The following DCC variants were observed in gnomAD, a reference collection of about 807,000 sequenced individuals.
The protein encoded by DCC is DCC netrin 1 receptor, also known as netrin receptor DCC.
Under a neutral mutation model 172.5 loss-of-function variants are expected in DCC, and 58 were observed. The observed-to-expected ratio is 0.34, with a 90% CI of 0.27 to 0.42. The LOEUF is 0.42. DCC is among the 10% of genes least tolerant of loss of function. DCC has a pLI of 1.00. For missense variants in DCC, 1,740 were observed against 1,791.0 expected (o/e 0.97, Z 0.51); for synonymous variants, 709 against 644.5 (o/e 1.10, Z -1.52).
intron 26 of DCC, among the ~76,000 whole-genome samples, chr18:53,497,063 A>C (rs1413305291): frequency 6.6e-6 from 1 of 152,236 alleles, no homozygotes; most frequent in Non-Finnish European, 1.5e-5. Context: ...CAGATTTTTG[A>C]GGAAAATTGT....
intron 7 of DCC, among the ~76,000 whole-genome samples, chr18:53,094,746 T>A (rs2043061441): frequency 6.6e-6 from 1 of 152,230 alleles, no homozygotes; most frequent in Non-Finnish European, 1.5e-5. Context: ...GATTGCATCA[T>A]GATTTATTAG....
rs564756340 is a variant in DCC at position 52,416,085 on chromosome 18, T to C, written c.91+75207T>C. On this transcript the variant is annotated intron_variant, in intron 1 of 28. Coordinates refer to ENST00000442544, the MANE Select transcript of DCC (RefSeq NM_005215.4). Reference sequence around the variant, plus strand: ...CTGGTATGTTGTGTCTTTGTTCTCGTTGGTTTCAAAGAACATCTTTATTTC... The same window carrying C: ...CTGGTATGTTGTGTCTTTGTTCTCGCTGGTTTCAAAGAACATCTTTATTTC... Among the ~76,000 whole-genome samples, 31 of 152,272 alleles carry C rather than the reference T, an allele frequency of 2.0e-4. 1 individual carries two copies. In the South Asian group the frequency reaches 6.2e-3, roughly 31 times the overall value.
At chr18:52,966,181 G>C (rs931125857) in intron 5 of DCC, among the ~76,000 whole-genome samples, 2 of 152,090 alleles carry the variant, frequency 1.3e-5, no homozygotes, top group African/African-American at 4.8e-5. Flanking sequence ...GATTTACCCT[G>C]AAGCAAAAAG....
In DCC at chr18:52,862,405, T is replaced by TA. The variant is rs541363032; in HGVS notation, c.413-43630dup. ...TTAATCATTTAGCTAAAGTGATAATTAAAAAAAAATATTCCGGCCGGGTGT... is the reference window on the plus strand; with the variant it reads ...TTAATCATTTAGCTAAAGTGATAATTAAAAAAAAAATATTCCGGCCGGGTGT... On this transcript the variant is annotated intron_variant, in intron 2 of 28. Transcript: ENST00000442544. Among the ~76,000 whole-genome samples, 752 of 151,376 alleles carry TA rather than the reference T, an allele frequency of 5.0e-3. 3 individuals carry two copies. The highest frequency in any genetic ancestry group is 0.017 in the African/African-American group (705 of 41,346).
intron 8 of DCC, among the ~76,000 whole-genome samples, chr18:53,172,699 C>A (rs937245595): frequency 5.3e-5 from 8 of 152,070 alleles, no homozygotes; most frequent in Non-Finnish European, 1.0e-4. Context: ...TGATTCACAG[C>A]AGATGATAGA....
chr18:53,068,024 C>T (rs73957015), intron 7 of DCC, among the ~76,000 whole-genome samples: 5,792 of 152,072 alleles, frequency 0.038, 348 homozygotes, highest in African/African-American at 0.13. Flanking sequence ...ACAACAATAC[C>T]AGATGAGTCA....
At chr18:53,486,293 CTAAGTA>C (rs1162349811) in intron 25 of DCC, among the ~76,000 whole-genome samples, 1 of 152,104 alleles carries the variant, frequency 6.6e-6, no homozygotes, top group Non-Finnish European at 1.5e-5. Flanking sequence ...AAGATAAATC[CTAAGTA>C]TGACTATTGA....
At chr18:52,575,944 C>T (rs1267647080) in intron 1 of DCC, among the ~76,000 whole-genome samples, 1 of 152,116 alleles carries the variant, frequency 6.6e-6, no homozygotes, top group East Asian at 1.9e-4. Context: ...ACCAATAAAG[C>T]AGGCATCTGG....
intron 7 of DCC, among the ~76,000 whole-genome samples, chr18:53,094,771 C>G (rs2043061695): frequency 6.6e-6 from 1 of 152,056 alleles, no homozygotes; most frequent in Non-Finnish European, 1.5e-5. Flanking sequence ...GCCTTGGGCT[C>G]AAATAAATTT....
intron 11 of DCC, among the ~76,000 whole-genome samples, chr18:53,212,233 G>A (rs1182773165): frequency 1.3e-5 from 2 of 152,114 alleles, no homozygotes; most frequent in Non-Finnish European, 2.9e-5. Flanking sequence ...ATTGAGGGAA[G>A]TTTCCAGCCC....
intron 24 of DCC, among the ~76,000 whole-genome samples, chr18:53,466,942 T>C (rs781669624): frequency 1.6e-4 from 24 of 152,196 alleles, no homozygotes; most frequent in Non-Finnish European, 3.1e-4. Context: ...CCCAGTATAA[T>C]TTTTTATTTT....
chr18:53,410,349 A>C, intron 19 of DCC, 103 bp from the exon 20 acceptor site: 1 of 772,908 alleles, frequency 1.3e-6, no homozygotes, highest in South Asian at 1.4e-5. Flanking sequence ...GATTGTGGAC[A>C]TATAATAATT....
chr18:52,947,000 C>T lies in DCC; in HGVS notation c.985+21630C>T, dbSNP rs1242679751. The stretch of plus-strand genomic sequence containing the variant: ...CACCCATCTGCATGGCTCACCTACT[C>T]ACCTCACCTGCTTCATTGCCCTGTT... On this transcript the variant is annotated intron_variant, in intron 5 of 28. Coordinates refer to ENST00000442544, the MANE Select transcript of DCC (RefSeq NM_005215.4). Among the ~76,000 whole-genome samples, 10 of 152,074 alleles carry T rather than the reference C, an allele frequency of 6.6e-5. No homozygotes were observed. In the East Asian group the frequency reaches 1.7e-3, roughly 26 times the overall value.
intron 8 of DCC, among the ~76,000 whole-genome samples, chr18:53,174,423 C>T (rs569780866): frequency 1.1e-4 from 17 of 150,548 alleles, no homozygotes; most frequent in South Asian, 6.4e-4. Context: ...ACTGATAGAC[C>T]GCTAGCAAGA....
chr18:53,307,612 TTAAC>T (rs1012697385), intron 13 of DCC, among the ~76,000 whole-genome samples: 24 of 151,834 alleles, frequency 1.6e-4, no homozygotes, highest in African/African-American at 4.1e-4. Flanking sequence ...TATAAAATAA[TTAAC>T]TAAAGGATTA....
chr18:52,423,333 C>T (rs774418634), intron 1 of DCC, among the ~76,000 whole-genome samples: 9 of 152,054 alleles, frequency 5.9e-5, no homozygotes, highest in East Asian at 1.9e-4. Flanking sequence ...TCTGCAAAGT[C>T]GTCAGAGTGG....
chr18:53,104,494 C>T (rs1364737300), intron 7 of DCC, among the ~76,000 whole-genome samples: 1 of 151,988 alleles, frequency 6.6e-6, no homozygotes, highest in African/African-American at 2.4e-5. Flanking sequence ...GGAGGCCTCC[C>T]CAGCCATGTG....
At chr18:52,795,864 G>T (rs2057990511) in intron 2 of DCC, among the ~76,000 whole-genome samples, 2 of 151,838 alleles carry the variant, frequency 1.3e-5, no homozygotes, top group South Asian at 4.2e-4. Context: ...TCAGGACCAT[G>T]TTATTTAATT....
chr18:53,492,926 C>T (rs2045975183), intron 26 of DCC, among the ~76,000 whole-genome samples: 2 of 152,154 alleles, frequency 1.3e-5, no homozygotes, highest in African/African-American at 4.8e-5. Context: ...TGGTCATTTT[C>T]ATGGTATTGA....
Sources: gnomAD v4.1 joint callset for allele counts (sites outside exome capture counted in the v4.1 genomes callset) on GRCh38, gnomAD v4.1.1 for gene constraint, MANE v1.5 for transcripts, NCBI Gene and HGNC (gene_info 2026-07-23, HGNC 2026-07-21) for gene names.